ATP13A3: variants seen among roughly 807,000 people sequenced by gnomAD.
ATP13A3 encodes the protein polyamine-transporting ATPase 13A3.
In ATP13A3, 59 loss-of-function variants were observed where a neutral mutation model predicts 158.1. That is an observed-to-expected ratio of 0.37 (90% CI 0.30 to 0.46). ATP13A3 has a LOEUF of 0.46. ATP13A3 is among the 20% of genes least tolerant of loss of function. The pLI, the probability that ATP13A3 is intolerant of heterozygous loss-of-function variation, is 1.00. For missense variants in ATP13A3, 1,166 were observed against 1,525.2 expected, an observed-to-expected ratio of 0.76 and a Z score of 3.92; for synonymous variants, 491 against 504.3, an observed-to-expected ratio of 0.97 and a Z score of 0.35.
In ATP13A3 at chr3:194,435,032, T is replaced by C. The variant is rs563001211; in HGVS notation, c.2121-1136A>G. Among the ~76,000 whole-genome samples, 28 of 152,346 alleles carry C rather than the reference T, an allele frequency of 1.8e-4. No individual in the cohort carries two copies. In the South Asian group the frequency reaches 5.4e-3, roughly 29 times the overall value. On this transcript the variant is annotated intron_variant, in intron 20 of 33. Coordinates refer to ENST00000645319, the MANE Select transcript of ATP13A3 (RefSeq NM_001367549.1). ...AGGAGGAGGGTCTGAGGTCAGAGAC[T>C]AGAATTTCAGACTTGGAATAACCAA...
chr3:194,476,940 T>C (rs1226760327), intron 2 of ATP13A3, among the ~76,000 whole-genome samples: 1 of 152,140 alleles, frequency 6.6e-6, no homozygotes, highest in Admixed American at 6.5e-5. Context: ...TCAAAACTGA[T>C]TGCAAGACAT....
chr3:194,477,583 T>C (rs958868148), intron 2 of ATP13A3, among the ~76,000 whole-genome samples: 1 of 151,874 alleles, frequency 6.6e-6, no homozygotes, highest in Non-Finnish European at 1.5e-5. Flanking sequence ...TTCCTCTTCC[T>C]CTTAATCAGG....
Position 194,429,777 on chromosome 3 carries a change from G to T in ATP13A3, c.2778-3C>A. On this transcript the variant is annotated splice_region_variant and splice_polypyrimidine_tract_variant and intron_variant, in intron 26 of 33. Transcript: ENST00000645319. ...TTATTAAAGCAGCACGGCCTTCCCT[G>T]TGAAAAGAAATCAAATGTCGGCATA... 1 of 1,612,196 alleles carries T rather than the reference G, an allele frequency of 6.2e-7. No individual in the cohort carries two copies. The highest frequency in any genetic ancestry group is 8.5e-7 in the Non-Finnish European group (1 of 1,178,818).
At chr3:194,407,833 T>C (rs1021881437) in intron 33 of ATP13A3, among the ~76,000 whole-genome samples, 4 of 152,166 alleles carry the variant, frequency 2.6e-5, no homozygotes, top group Middle Eastern at 3.2e-3. Flanking sequence ...GAAGTCACTA[T>C]GTATAGGATT....
chr3:194,436,662 G>A (rs554289307), intron 20 of ATP13A3, among the ~76,000 whole-genome samples: 92 of 152,344 alleles, frequency 6.0e-4, no homozygotes, highest in Middle Eastern at 3.4e-3. Flanking sequence ...GGCCAGCCTG[G>A]CCAACATGGC....
intron 14 of ATP13A3, among the ~76,000 whole-genome samples, chr3:194,445,016 G>A (rs958221881): frequency 3.3e-5 from 5 of 152,060 alleles, no homozygotes; most frequent in African/African-American, 1.2e-4. Flanking sequence ...CAAATCTTCT[G>A]CGTAAGGGCA....
At chr3:194,439,540 C>T (rs1264488385) in intron 16 of ATP13A3, among the ~76,000 whole-genome samples, 1 of 152,218 alleles carries the variant, frequency 6.6e-6, no homozygotes, top group African/African-American at 2.4e-5. Context: ...ATTAAACACA[C>T]ACTATAATTA....
chr3:194,463,539 G>A (rs1719802014), intron 2 of ATP13A3, among the ~76,000 whole-genome samples: 1 of 151,950 alleles, frequency 6.6e-6, no homozygotes, highest in African/African-American at 2.4e-5. Context: ...TTTTCAAGAA[G>A]GTAAATGGGT....
At chr3:194,449,044 T>TACACACACAC (rs146993933) in intron 11 of ATP13A3, among the ~76,000 whole-genome samples, 5 of 134,892 alleles carry the variant, frequency 3.7e-5, no homozygotes, top group Non-Finnish European at 6.5e-5. Context: ...GATCCACCCC[T>TACACACACAC]ACACACACAC....
intron 33 of ATP13A3, among the ~76,000 whole-genome samples, chr3:194,406,489 T>C (rs1714946852): frequency 6.6e-6 from 1 of 152,236 alleles, no homozygotes. Context: ...ATCAATATGA[T>C]TGACTTCATT....
rs755889522 is a variant in ATP13A3, at chr3:194,406,147, C to T, written c.3574-31G>A. The T allele has an allele frequency of 3.1e-6, 5 of 1,608,564 alleles. No homozygotes were observed. In the African/African-American group the frequency reaches 4.0e-5, roughly 13 times the overall value. On this transcript the variant is annotated intron_variant, in intron 33 of 33. Transcript: ENST00000645319. ...AAAATAAGAAAAAAACAAAACAAAA[C>T]ACCCCAGTTGATTAAAGGCTTGTCG...
At chr3:194,465,259 C>G (rs533337482) in intron 2 of ATP13A3, among the ~76,000 whole-genome samples, 2 of 152,222 alleles carry the variant, frequency 1.3e-5, no homozygotes, top group South Asian at 2.1e-4. Context: ...AGCAGTTTCC[C>G]TGAGTTTGGG....
chr3:194,452,646 C>T (rs956891699), intron 10 of ATP13A3: 3 of 152,086 alleles, frequency 2.0e-5, no homozygotes, highest in Non-Finnish European at 4.4e-5. Context: ...CTTATAATGT[C>T]CACACAATCT....
At position 194,430,995 on chromosome 3, in the gene ATP13A3, G is replaced by C; in HGVS notation, c.2572C>G (p.Arg858Gly). 1 of 1,613,268 alleles carries C rather than the reference G, an allele frequency of 6.2e-7. No homozygotes were observed. Among genetic ancestry groups the C allele is most frequent in the Non-Finnish European group, 8.5e-7 (1 of 1,179,502 alleles). The change falls in exon 24 of 34, where the codon CGT (arginine) becomes GGT (glycine). Residue 858 changes from arginine to glycine, a missense_variant. Physicochemically the swap from Arg to Gly is moderately radical, Grantham distance 125. This residue lies in a region of ATP13A3 where 997 missense variants were observed against 1,341.2 expected (regional missense o/e 0.74). Transcript: ENST00000645319. ...KLMLHGTVFA[R>G]MAPDQKTQLI... is the part of the protein sequence containing the mutation. ...TGTGTCTTCTGATCAGGTGCCATAC[G>C]GGCAAACACGGTGCCATGCAACATC...
Position 194,438,969 on chromosome 3 carries a change from G to C in ATP13A3, c.1714C>G (p.Leu572Val), listed in dbSNP as rs1404538470. The C allele has an allele frequency of 6.5e-7, 1 of 1,540,346 alleles. No individual in the cohort carries two copies. The highest frequency in any genetic ancestry group is 8.8e-7 in the Non-Finnish European group (1 of 1,141,286). The change falls in exon 17 of 34, where the codon CTG (leucine) becomes GTG (valine). Residue 572 changes from leucine (L) to valine (V), a missense_variant. Around this residue, in one of 3 missense-constraint regions of ATP13A3, gnomAD observed 997 missense variants for 1,341.2 expected, o/e 0.74. Transcript: ENST00000645319. ...GTTTCTTCTTCAGTTGCTTCTTCCAGAATCTGGAAAAAAAAAAGAGACAAA... is the reference window on the plus strand; with the variant it reads ...GTTTCTTCTTCAGTTGCTTCTTCCACAATCTGGAAAAAAAAAAGAGACAAA... ...LKMFEAIGWI[L>V]EEATEEETAL...
intron 11 of ATP13A3, 36 bp downstream of exon 11, chr3:194,450,109 G>C (rs1396145888): frequency 6.2e-7 from 1 of 1,604,958 alleles, no homozygotes; most frequent in Non-Finnish European, 8.5e-7. Flanking sequence ...GATATATCAT[G>C]AACAACTCAT....
At chr3:194,489,986 C>G (rs958558956), upstream of ATP13A3, among the ~76,000 whole-genome samples, 13 of 152,136 alleles carry the variant, frequency 8.5e-5, no homozygotes, top group African/African-American at 3.1e-4. This position sits in a 1 kb window ranked among gnomAD's most constrained non-coding sequence, Gnocchi z 4.1. Context: ...ACTGCTTCCC[C>G]CCTCTGATCC....
chr3:194,486,237 A>G (rs1480431580), intron 1 of ATP13A3, among the ~76,000 whole-genome samples: 1 of 148,988 alleles, frequency 6.7e-6, no homozygotes, highest in African/African-American at 2.6e-5. Context: ...GCACAGACTC[A>G]TCGAGGGCCC....
rs1210103145 is a variant in ATP13A3, at chr3:194,444,922, A to G, written c.1498-136T>C. On this transcript the variant is annotated intron_variant, in intron 14 of 33. Coordinates refer to ENST00000645319, the MANE Select transcript of ATP13A3 (RefSeq NM_001367549.1). The stretch of plus-strand genomic sequence containing the variant: ...ACATAATGGAGTTCTACAGAGTTAA[A>G]AAAAGAAACAGGCAAGATCCCTGAC... The G allele has an allele frequency of 6.6e-6, 4 of 606,200 alleles. No homozygotes were observed. In the South Asian group the frequency reaches 8.8e-5, roughly 13 times the overall value. The allele number at this position is 606,200 out of a possible 1,614,324, so 37.6% of individuals were successfully genotyped here. A position where few individuals can be genotyped will look rare whatever the true frequency, so the allele number is the denominator to read the frequency against.
Sources: gnomAD v4.1 joint callset for allele counts (sites outside exome capture counted in the v4.1 genomes callset) on GRCh38, gnomAD v4.1.1 for gene constraint, gnomAD v4.1.1 regional missense constraint, Gnocchi (gnomAD v3.1) non-coding constraint, MANE v1.5 for transcripts, NCBI Gene and HGNC (gene_info 2026-07-23, HGNC 2026-07-21) for gene names.